The following TRAPPC9 variants were observed in gnomAD, a reference collection of about 807,000 sequenced individuals.
The protein encoded by TRAPPC9 is IKK2 binding protein.
A neutral mutation model predicts 124.0 loss-of-function variants in TRAPPC9; 83 were observed. That is an observed-to-expected ratio of 0.67 (90% confidence interval 0.56 to 0.80). TRAPPC9 has a LOEUF of 0.80. Among genes scored for constraint, TRAPPC9 ranks in the 30% least tolerant of loss-of-function variants. TRAPPC9 has a pLI of 0.00. For missense variants in TRAPPC9, 1,302 were observed against 1,508.3 expected (o/e 0.86, Z 2.27); for synonymous variants, 638 against 617.5 (o/e 1.03, Z -0.49).
chr8:140,214,109 G>A (rs760286719), intron 17 of TRAPPC9, among the ~76,000 whole-genome samples: 6 of 152,372 alleles, frequency 3.9e-5, no homozygotes, highest in Non-Finnish European at 5.9e-5. Flanking sequence ...GTCCAACTCA[G>A]GGAAAAGCCT....
chr8:140,125,587 CTTTTTTTTTTTT>C (rs11292333), intron 17 of TRAPPC9, among the ~76,000 whole-genome samples: 2 of 67,814 alleles, frequency 2.9e-5, no homozygotes, highest in Admixed American at 2.3e-4. Context: ...GAATCTCATT[CTTTTTTTTTTTT>C]TTTTTTTTTT....
intron 16 of TRAPPC9, among the ~76,000 whole-genome samples, chr8:140,242,515 G>T (rs558752633): frequency 6.6e-6 from 1 of 152,180 alleles, no homozygotes. Flanking sequence ...ACACAGAAAG[G>T]TGAGCCCGTC....
In TRAPPC9 at chr8:140,087,593, A is replaced by G. The variant is rs1263708632; in HGVS notation, c.2557-63514T>C. ...CAGCTGCTCAGGCCAAAACCTTAAAAGACACCCTTGCTTATTCTTCAGTGC... is the reference window on the plus strand; with the variant it reads ...CAGCTGCTCAGGCCAAAACCTTAAAGGACACCCTTGCTTATTCTTCAGTGC... On this transcript the variant is annotated intron_variant, in intron 17 of 22. Coordinates refer to ENST00000438773, the MANE Select transcript of TRAPPC9 (RefSeq NM_001160372.4). The surrounding 1 kb of genome is among the most constrained non-coding windows in gnomAD (Gnocchi z 4.6). 3.3e-5 allele frequency among the ~76,000 whole-genome samples: 5 copies of G among 152,294 alleles called. No homozygotes were observed. The East Asian group carries it at 9.7e-4, about 29-fold the overall frequency.
rs948716239 is a variant in TRAPPC9, at chr8:140,081,431, C to T, written c.2557-57352G>A. On this transcript the variant is annotated intron_variant, in intron 17 of 22. Transcript: ENST00000438773. ...CACAGTCTCAGCTCACTACGACCTC[C>T]GCCTCCCAGGTTCAAGCAATTCTCG... Among the ~76,000 whole-genome samples the T allele has an allele frequency of 5.3e-5, 8 of 151,212 alleles. No individual in the cohort carries two copies. In the East Asian group the frequency reaches 1.2e-3, roughly 22 times the overall value.
chr8:140,202,550 T>A (rs2062817503), intron 17 of TRAPPC9, among the ~76,000 whole-genome samples: 1 of 152,002 alleles, frequency 6.6e-6, no homozygotes, highest in African/African-American at 2.4e-5. Flanking sequence ...GTAGAAAAAA[T>A]AATAGAGAAA....
chr8:140,060,392 T>C (rs972503434), intron 17 of TRAPPC9, among the ~76,000 whole-genome samples: 2 of 152,218 alleles, frequency 1.3e-5, no homozygotes, highest in African/African-American at 4.8e-5. Flanking sequence ...GCAATGGCCT[T>C]GTGGTGACCC....
chr8:140,385,617 T>C (rs199716844), intron 7 of TRAPPC9, among the ~76,000 whole-genome samples: 1 of 151,954 alleles, frequency 6.6e-6, no homozygotes, highest in Non-Finnish European at 1.5e-5. Flanking sequence ...ACTAAACCAG[T>C]AAAAAGTTGA....
chr8:139,779,175 A>G (rs1294563172), intron 21 of TRAPPC9, among the ~76,000 whole-genome samples: 6 of 152,198 alleles, frequency 3.9e-5, no homozygotes, highest in Non-Finnish European at 5.9e-5. Flanking sequence ...AAACAATGTA[A>G]GAGAAGTGAC....
At chr8:140,451,440 TA>T in intron 1 of TRAPPC9, 57 bp from the exon 2 acceptor site, 1 of 1,454,862 alleles carries the variant, frequency 6.9e-7, no homozygotes, top group Non-Finnish European at 9.4e-7. Flanking sequence ...GCTGAGAGCC[TA>T]CCCTGGGAGG....
intron 9 of TRAPPC9, among the ~76,000 whole-genome samples, chr8:140,317,742 T>C (rs978061530): frequency 7.9e-5 from 12 of 152,204 alleles, no homozygotes; most frequent in Admixed American, 1.3e-4. Flanking sequence ...GCACTTACGA[T>C]GTGCCAAATA....
chr8:140,416,362 T>C (rs1294636421), intron 5 of TRAPPC9, among the ~76,000 whole-genome samples: 3 of 152,054 alleles, frequency 2.0e-5, no homozygotes, highest in African/African-American at 7.2e-5. Context: ...AATAGACCCA[T>C]AACAAGTAAA....
At chr8:140,058,420 A>G (rs188773599) in intron 17 of TRAPPC9, among the ~76,000 whole-genome samples, 25 of 152,224 alleles carry the variant, frequency 1.6e-4, no homozygotes, top group African/African-American at 5.3e-4. Flanking sequence ...CCATGACTCT[A>G]TGAACTGTCC....
At chr8:139,917,238 A>C (rs1375052860) in intron 19 of TRAPPC9, among the ~76,000 whole-genome samples, 3 of 129,700 alleles carry the variant, frequency 2.3e-5, no homozygotes, top group Non-Finnish European at 4.6e-5. Flanking sequence ...CAGTGGCGCG[A>C]TCTCGGCTTA....
intron 8 of TRAPPC9, among the ~76,000 whole-genome samples, chr8:140,365,220 A>C (rs552495741): frequency 9.9e-5 from 15 of 152,192 alleles, no homozygotes; most frequent in Admixed American, 9.1e-4. Flanking sequence ...AACGAGTGTA[A>C]ACTAGTGGCC....
At chr8:140,116,846 G>C (rs1308360755) in intron 17 of TRAPPC9, among the ~76,000 whole-genome samples, 1 of 148,806 alleles carries the variant, frequency 6.7e-6, no homozygotes, top group Non-Finnish European at 1.5e-5. Context: ...TGAGTAGGCG[G>C]AGTTCAGTAA....
At chr8:139,929,396 C>T (rs1246382226) in intron 19 of TRAPPC9, among the ~76,000 whole-genome samples, 1 of 152,052 alleles carries the variant, frequency 6.6e-6, no homozygotes, top group Non-Finnish European at 1.5e-5. Context: ...AACTTTAGTG[C>T]AATGCCGTTC....
intron 9 of TRAPPC9, among the ~76,000 whole-genome samples, chr8:140,341,150 T>C (rs748830981): frequency 3.3e-5 from 5 of 152,176 alleles, no homozygotes; most frequent in Non-Finnish European, 7.4e-5. Context: ...ACATTCCAGC[T>C]GTCCCACCTC....
chr8:139,817,045 A>AAC (rs1228353322), intron 21 of TRAPPC9, among the ~76,000 whole-genome samples: 8,610 of 135,340 alleles, frequency 0.064, 529 homozygotes, highest in African/African-American at 0.17. Context: ...ACATAAACTA[A>AAC]ACACACACAC....
intron 16 of TRAPPC9, among the ~76,000 whole-genome samples, chr8:140,225,730 G>T (rs1239941304): frequency 6.6e-6 from 1 of 152,158 alleles, no homozygotes; most frequent in Non-Finnish European, 1.5e-5. Context: ...TCTGTTGAGT[G>T]AAGGCCAGGT....
Sources: gnomAD v4.1 joint callset for allele counts (sites outside exome capture counted in the v4.1 genomes callset) on GRCh38, gnomAD v4.1.1 for gene constraint, Gnocchi (gnomAD v3.1) non-coding constraint, MANE v1.5 for transcripts, NCBI Gene and HGNC (gene_info 2026-07-23, HGNC 2026-07-21) for gene names.